ADAMTSL3: variants seen among roughly 807,000 people sequenced by gnomAD.
The protein encoded by ADAMTSL3 is ADAMTS-like protein 3.
Under a neutral mutation model 201.7 loss-of-function variants are expected in ADAMTSL3, and 128 were observed. The observed-to-expected ratio is 0.63, with a 90% CI of 0.55 to 0.73. The LOEUF (loss-of-function observed/expected upper bound fraction) is 0.73, where lower values mean the gene tolerates loss of function less well. Ranked by LOEUF, ADAMTSL3 falls within the 30% of genes least tolerant of loss-of-function variation. The probability of loss-of-function intolerance (pLI) is 0.00; values close to 1 mark genes in which losing one functional copy is unlikely to be tolerated. For missense variants in ADAMTSL3, 1,990 were observed against 2,119.6 expected (o/e 0.94, Z 1.20); for synonymous variants, 738 against 748.4 (o/e 0.99, Z 0.23).
intron 23 of ADAMTSL3, among the ~76,000 whole-genome samples, chr15:83,997,643 T>C (rs1358610945): frequency 1.3e-5 from 2 of 152,160 alleles, no homozygotes; most frequent in Non-Finnish European, 2.9e-5. Flanking sequence ...AATATTAATG[T>C]CCATTAATTT....
intron 3 of ADAMTSL3, among the ~76,000 whole-genome samples, chr15:83,749,515 G>A (rs2062604030): frequency 6.6e-6 from 1 of 152,192 alleles, no homozygotes; most frequent in Admixed American, 6.5e-5. Context: ...TGCAGTGGCT[G>A]TTACATTTGG....
intron 3 of ADAMTSL3, among the ~76,000 whole-genome samples, chr15:83,731,736 T>C (rs542284204): frequency 1.4e-3 from 214 of 152,102 alleles, no homozygotes; most frequent in African/African-American, 5.1e-3. Flanking sequence ...TTATGAATTA[T>C]TATGAATATT....
intron 3 of ADAMTSL3, among the ~76,000 whole-genome samples, chr15:83,765,462 C>A (rs187144890): frequency 5.4e-4 from 82 of 152,178 alleles, no homozygotes; most frequent in African/African-American, 1.9e-3. Context: ...CAATAAGTGA[C>A]CTTATATGTG....
intron 6 of ADAMTSL3, 147 bp from the exon 7 acceptor site, chr15:83,837,942 A>G (rs1434914364): frequency 4.3e-6 from 4 of 928,148 alleles, no homozygotes; most frequent in Middle Eastern, 3.4e-4. Flanking sequence ...AAGACATTAT[A>G]TTATTTAGAT....
intron 3 of ADAMTSL3, among the ~76,000 whole-genome samples, chr15:83,769,212 CT>C (rs1241294035): frequency 6.6e-6 from 1 of 151,698 alleles, no homozygotes; most frequent in Non-Finnish European, 1.5e-5. Flanking sequence ...ATTGCAAAAA[CT>C]CTCAACTTTC....
intron 19 of ADAMTSL3, 64 bp downstream of exon 19, chr15:83,943,146 A>C: frequency 6.6e-7 from 1 of 1,512,338 alleles, no homozygotes; most frequent in Non-Finnish European, 8.9e-7. Context: ...CAGCTTCTAA[A>C]TATTTCCACA....
intron 25 of ADAMTSL3, 127 bp downstream of exon 25, chr15:84,016,626 C>A: frequency 2.5e-6 from 2 of 784,964 alleles, no homozygotes; most frequent in African/African-American, 1.8e-5. Flanking sequence ...ATTTGGCCAG[C>A]CTTTTTCTTG....
intron 3 of ADAMTSL3, among the ~76,000 whole-genome samples, chr15:83,769,398 T>C (rs1458270203): frequency 6.6e-6 from 1 of 152,218 alleles, no homozygotes; most frequent in African/African-American, 2.4e-5. Context: ...TTATTGTATC[T>C]TTTGTGAATT....
intron 22 of ADAMTSL3, among the ~76,000 whole-genome samples, chr15:83,989,622 A>G (rs1209930975): frequency 6.6e-6 from 1 of 152,244 alleles, no homozygotes; most frequent in Non-Finnish European, 1.5e-5. Context: ...GAGGTGGACA[A>G]TGTCATTTGG....
At chr15:83,820,890 A>C (rs1596266510) in intron 6 of ADAMTSL3, among the ~76,000 whole-genome samples, 2 of 152,150 alleles carry the variant, frequency 1.3e-5, no homozygotes, top group African/African-American at 4.8e-5. Context: ...GCCTGGCAAC[A>C]TGGTGAAACC....
intron 4 of ADAMTSL3, among the ~76,000 whole-genome samples, chr15:83,777,082 G>A (rs1033246953): frequency 4.5e-4 from 68 of 152,134 alleles, no homozygotes; most frequent in African/African-American, 1.4e-3. Context: ...CCTACTTGTG[G>A]GGCACACAGA....
chr15:83,848,688 T>C (rs1351826709), intron 7 of ADAMTSL3, among the ~76,000 whole-genome samples: 2 of 152,252 alleles, frequency 1.3e-5, no homozygotes, highest in African/African-American at 2.4e-5. Context: ...AGGAGCACCG[T>C]GATCTTGGGC....
In ADAMTSL3 at chr15:83,828,511, C is replaced by T. The variant is rs1015179529; in HGVS notation, c.600+8464C>T. On this transcript the variant is annotated intron_variant, in intron 6 of 29. Transcript: ENST00000286744. ...ACTTCCTCTTTTCCTAATTGAATAC[C>T]CTTTATTTCTTTCTCCTGCGTGATT... Among the ~76,000 whole-genome samples, 9 of 152,198 alleles carry T rather than the reference C, an allele frequency of 5.9e-5. No individual in the cohort carries two copies. The Middle Eastern group carries it at 0.014, about 230-fold the overall frequency.
intron 8 of ADAMTSL3, among the ~76,000 whole-genome samples, chr15:83,869,740 G>A (rs2065047531): frequency 6.6e-6 from 1 of 152,150 alleles, no homozygotes; most frequent in African/African-American, 2.4e-5. Flanking sequence ...GTTCTTCTGT[G>A]TTCTTTGTTT....
intron 4 of ADAMTSL3, among the ~76,000 whole-genome samples, chr15:83,792,651 C>T (rs1037190430): frequency 1.3e-5 from 2 of 152,070 alleles, no homozygotes; most frequent in Non-Finnish European, 2.9e-5. Flanking sequence ...GGCATGGTGG[C>T]ACATGCCTGT....
chr15:83,853,801 A>C (rs1449574584), intron 7 of ADAMTSL3, among the ~76,000 whole-genome samples: 1 of 152,184 alleles, frequency 6.6e-6, no homozygotes, highest in Non-Finnish European at 1.5e-5. Flanking sequence ...TCAAGCATAC[A>C]TAAAAGTTGA....
At chr15:83,695,917 T>G (rs2061682572) in intron 2 of ADAMTSL3, among the ~76,000 whole-genome samples, 1 of 97,836 alleles carries the variant, frequency 1.0e-5, no homozygotes, top group Non-Finnish European at 2.7e-5. Flanking sequence ...TACATCATGG[T>G]TTTTTTTTGA....
In ADAMTSL3 at chr15:83,798,244, C is replaced by T. The variant is rs530679529; in HGVS notation, c.318-6406C>T. ...AGTCTATTTCTACACAAACCTTAGCCTACATTCTGAAATTTGCTTGTAGGC... is the reference window on the plus strand; with the variant it reads ...AGTCTATTTCTACACAAACCTTAGCTTACATTCTGAAATTTGCTTGTAGGC... On this transcript the variant is annotated intron_variant, in intron 4 of 29. Transcript: ENST00000286744. 3.3e-5 allele frequency among the ~76,000 whole-genome samples: 5 copies of T among 152,292 alleles called. No individual in the cohort carries two copies. In the South Asian group the frequency reaches 1.0e-3, roughly 32 times the overall value.
At chr15:83,964,727 T>C (rs956395189) in intron 19 of ADAMTSL3, among the ~76,000 whole-genome samples, 1 of 152,126 alleles carries the variant, frequency 6.6e-6, no homozygotes, top group Non-Finnish European at 1.5e-5. Flanking sequence ...ATCGTCAGAT[T>C]TACCATGATT....
Sources: gnomAD v4.1 joint callset for allele counts (sites outside exome capture counted in the v4.1 genomes callset) on GRCh38, gnomAD v4.1.1 for gene constraint, MANE v1.5 for transcripts, NCBI Gene and HGNC (gene_info 2026-07-23, HGNC 2026-07-21) for gene names.